Variants in SYTL4 observed in about 807,000 individuals in gnomAD.
The protein encoded by SYTL4 is synaptotagmin-like protein 4.
In SYTL4, 16 loss-of-function variants were observed where a neutral mutation model predicts 52.7. The observed-to-expected ratio is 0.30, with a 90% CI of 0.21 to 0.46. The LOEUF is 0.46. Among genes scored for constraint, SYTL4 ranks in the 20% least tolerant of loss-of-function variants. The pLI is 1.00. For missense variants in SYTL4, 423 were observed against 519.9 expected, an observed-to-expected ratio of 0.81 and a Z score of 1.81; for synonymous variants, 160 against 186.6, an observed-to-expected ratio of 0.86 and a Z score of 1.16.
rs774850931 is a variant in SYTL4 at position 100,699,192 on chromosome X, C to A, written c.539+1705G>T. ...GACCAGTCTGGCCAACATGGTGAAA[C>A]CCCGTCTCTACTAAAAACATGAAAA... On this transcript the variant is annotated intron_variant, in intron 8 of 19. Coordinates refer to ENST00000372989, the MANE Select transcript of SYTL4 (RefSeq NM_001370165.1). Among the ~76,000 whole-genome samples, 3 of 108,974 alleles carry A rather than the reference C, an allele frequency of 2.8e-5. No homozygotes were observed. The South Asian group carries it at 1.2e-3, about 45-fold the overall frequency. The allele number at this position is 108,974 out of a possible 115,157, so 94.6% of individuals were successfully genotyped here.
In SYTL4 at chrX:100,709,875, T is replaced by TA. The variant is rs776531578; in HGVS notation, c.-239-4990dup. Among the ~76,000 whole-genome samples the TA allele has an allele frequency of 3.5e-4, 39 of 112,097 alleles. No individual in the cohort carries two copies. The South Asian group carries it at 0.014, about 41-fold the overall frequency. On this transcript the variant is annotated intron_variant, in intron 2 of 19. Coordinates refer to ENST00000372989, the MANE Select transcript of SYTL4 (RefSeq NM_001370165.1). ...TGAGTTAAACTGTCTAGACGTCAGT[T>TA]AAAGTTTCAGGCTATTGTTATTGTT...
intron 2 of SYTL4, among the ~76,000 whole-genome samples, chrX:100,709,481 G>A (rs923428278): frequency 8.9e-6 from 1 of 111,874 alleles, no homozygotes; most frequent in Non-Finnish European, 1.9e-5. Flanking sequence ...CAGCCTGGGC[G>A]ACAGAGTGAG....
intron 2 of SYTL4, among the ~76,000 whole-genome samples, chrX:100,713,631 A>AG (rs1453428211): frequency 9.1e-6 from 1 of 109,607 alleles, no homozygotes; most frequent in Non-Finnish European, 1.9e-5. Context: ...GGGGAAAAAA[A>AG]AAAGCATATG....
rs763539659 is a variant in SYTL4, at chrX:100,692,140, A to T, written c.540-931T>A. Among the ~76,000 whole-genome samples, 3 of 111,248 alleles carry T rather than the reference A, an allele frequency of 2.7e-5. No homozygotes were observed. In the South Asian group the frequency reaches 1.2e-3, roughly 43 times the overall value. On this transcript the variant is annotated intron_variant, in intron 8 of 19. Coordinates refer to ENST00000372989, the MANE Select transcript of SYTL4 (RefSeq NM_001370165.1). ...GCTTCAGGTCTCTCCTTATATGTCA[A>T]TTCCTCCAGATCTCTCTGGCCATGC... is the stretch of plus-strand genomic sequence containing the variant.
chrX:100,686,284 C>T, intron 15 of SYTL4, 133 bp from the exon 16 acceptor site: 1 of 618,628 alleles, frequency 1.6e-6, no homozygotes. Context: ...TCCCTGAGCA[C>T]TTTGAGTTTC....
chrX:100,679,215 G>A (rs1381333362), intron 18 of SYTL4, 98 bp downstream of exon 18: 6 of 704,368 alleles, frequency 8.5e-6, no homozygotes, highest in Non-Finnish European at 1.3e-5. Flanking sequence ...GCCGGGAGTG[G>A]TAAGACACAC....
At chrX:100,679,542 T>C in intron 17 of SYTL4, 130 bp from the exon 18 acceptor site, 1 of 494,127 alleles carries the variant, frequency 2.0e-6, no homozygotes, top group Non-Finnish European at 3.5e-6. Context: ...GTGCCTGTCC[T>C]GTCTCCTCAG....
At chrX:100,689,820 T>C in intron 12 of SYTL4, 36 bp downstream of exon 12, 1 of 1,005,731 alleles carries the variant, frequency 9.9e-7, no homozygotes, top group Non-Finnish European at 1.4e-6. Context: ...AAGTAAAATT[T>C]CATATAGTGA....
chrX:100,724,132 G>A (rs1280510893), intron 2 of SYTL4, among the ~76,000 whole-genome samples: 11 of 61,237 alleles, frequency 1.8e-4, no homozygotes, highest in Non-Finnish European at 2.6e-4. Context: ...CGCCCCGTCC[G>A]GGAGGGAGGT....
chrX:100,701,038 G>A (rs1343640833), intron 7 of SYTL4, 39 bp from the exon 8 acceptor site: 1 of 1,088,315 alleles, frequency 9.2e-7, no homozygotes, highest in Non-Finnish European at 1.3e-6. Flanking sequence ...TGGTGGTTAT[G>A]AGTAGGGGAA....
intron 18 of SYTL4, 120 bp downstream of exon 18, chrX:100,679,193 A>C: frequency 7.8e-6 from 4 of 509,799 alleles, no homozygotes; most frequent in Non-Finnish European, 1.3e-5. Flanking sequence ...AATTTCAGGA[A>C]CAAATTTGGT....
chrX:100,726,986 A>C (rs949098258), intron 2 of SYTL4, among the ~76,000 whole-genome samples: 3 of 110,196 alleles, frequency 2.7e-5, no homozygotes, highest in Non-Finnish European at 5.7e-5. Flanking sequence ...GTCCATGTGT[A>C]TCTACCATAT....
intron 2 of SYTL4, among the ~76,000 whole-genome samples, chrX:100,715,078 C>T (rs1003605065): frequency 5.4e-5 from 6 of 111,755 alleles, no homozygotes; most frequent in South Asian, 3.8e-4. Flanking sequence ...TGGAGTGCAG[C>T]GGCACAATCG....
chrX:100,685,018 A>T, intron 16 of SYTL4: 1 of 112,904 alleles, frequency 8.9e-6, no homozygotes, highest in East Asian at 2.8e-4. Flanking sequence ...CTAGAAGGAT[A>T]CACAAGTAGT....
chrX:100,687,209 C>T lies in SYTL4; in HGVS notation c.1042G>A (p.Ala348Thr). Residue 348 changes from alanine (A) to threonine (T), a missense_variant, in exon 14 of 20, where the codon GCT (alanine) becomes ACT (threonine). By Grantham distance (58) the Ala-to-Thr change is moderately conservative. Coordinates refer to ENST00000372989, the MANE Select transcript of SYTL4 (RefSeq NM_001370165.1). ...ACAAAGATGTTCCCGAAATCACCAG[C>T]TTCACTGTAGATGCTCATCATGCTG... ...IGSMMSIYSE[A>T]GDFGNIFVTG... 1 of 1,211,757 alleles carries T rather than the reference C, an allele frequency of 8.3e-7. No individual in the cohort carries two copies. Among genetic ancestry groups the T allele is most frequent in the Non-Finnish European group, 1.1e-6 (1 of 895,432 alleles).
chrX:100,707,798 C>T (rs368641930), intron 2 of SYTL4, among the ~76,000 whole-genome samples: 1 of 111,495 alleles, frequency 9.0e-6, no homozygotes, highest in Non-Finnish European at 1.9e-5. Flanking sequence ...GAGAAGACCA[C>T]GGCTCAGGTA....
intron 16 of SYTL4, 119 bp from the exon 17 acceptor site, chrX:100,681,454 T>C: frequency 2.0e-6 from 1 of 502,414 alleles, no homozygotes; most frequent in Non-Finnish European, 3.3e-6. Flanking sequence ...AAGAGGATCC[T>C]TCTTCATATG....
At chrX:100,723,025 T>C (rs1203845235) in intron 2 of SYTL4, among the ~76,000 whole-genome samples, 1 of 110,077 alleles carries the variant, frequency 9.1e-6, no homozygotes, top group East Asian at 2.8e-4. Flanking sequence ...ATTCTGAGGA[T>C]GCTCAATATT....
In SYTL4 at chrX:100,690,554, G is replaced by A. The variant is rs926403063; in HGVS notation, c.717+9C>T. On this transcript the variant is annotated intron_variant, in intron 10 of 19. Transcript: ENST00000372989. ...GGGGAGGAAGGTGGCTCAATAACCT[G>A]AAGCTTACCTTTTCTACTTGAGATT... 4.2e-6 allele frequency: 5 copies of A among 1,200,809 alleles called. No homozygotes were observed. Among genetic ancestry groups the A allele is most frequent in the Non-Finnish European group, 5.6e-6 (5 of 887,672 alleles).
Sources: gnomAD v4.1 joint callset for allele counts (sites outside exome capture counted in the v4.1 genomes callset) on GRCh38, gnomAD v4.1.1 for gene constraint, MANE v1.5 for transcripts, NCBI Gene and HGNC (gene_info 2026-07-23, HGNC 2026-07-21) for gene names.